The following MPDZ variants were observed in gnomAD, a reference collection of about 807,000 sequenced individuals.
MPDZ encodes the protein multiple PDZ domain crumbs cell polarity complex component, also known as multiple PDZ domain protein.
Under a neutral mutation model 239.1 loss-of-function variants are expected in MPDZ, and 234 were observed. That is an observed-to-expected ratio of 0.98 (90% confidence interval 0.88 to 1.09). The LOEUF is 1.09. Ranked by LOEUF, MPDZ falls within the 50% of genes least tolerant of loss-of-function variation. The pLI is 0.00. For missense variants in MPDZ, 3,175 were observed against 2,510.0 expected, an observed-to-expected ratio of 1.26 and a Z score of -5.66; for synonymous variants, 1,048 against 881.3, an observed-to-expected ratio of 1.19 and a Z score of -3.35.
chr9:13,249,417 G>A (rs1178809095), intron 2 of MPDZ, among the ~76,000 whole-genome samples: 3 of 152,050 alleles, frequency 2.0e-5, no homozygotes, highest in Non-Finnish European at 4.4e-5. Flanking sequence ...TGTGGGTTTA[G>A]TATAAAATGG....
chr9:13,200,940 T>C (rs750317333), intron 12 of MPDZ, among the ~76,000 whole-genome samples: 3 of 152,102 alleles, frequency 2.0e-5, no homozygotes, highest in Non-Finnish European at 4.4e-5. Context: ...TGGTCTACAA[T>C]GAAGTCTCAC....
Position 13,175,744 on chromosome 9 carries a change from A to G in MPDZ, c.3055+8T>C. The G allele has an allele frequency of 1.3e-6, 2 of 1,566,772 alleles. No individual in the cohort carries two copies. The highest frequency in any genetic ancestry group is 1.7e-6 in the Non-Finnish European group (2 of 1,153,612). ...GGAGTAGGTATATGAGGAAAATGAGAAACTTACCTAGGCTAGAATTGCCTT... is the reference window on the plus strand; with the variant it reads ...GGAGTAGGTATATGAGGAAAATGAGGAACTTACCTAGGCTAGAATTGCCTT... On this transcript the variant is annotated splice_region_variant and intron_variant, in intron 21 of 46. Coordinates refer to ENST00000319217, the MANE Select transcript of MPDZ (RefSeq NM_001378778.1).
intron 45 of MPDZ, 113 bp from the exon 46 acceptor site, chr9:13,109,172 AC>A: frequency 2.2e-6 from 2 of 893,036 alleles, no homozygotes; most frequent in Admixed American, 8.5e-5. Flanking sequence ...TTTGTTACTG[AC>A]AAGGAGTATA....
chr9:13,128,350 G>C (rs1162540047), intron 32 of MPDZ, among the ~76,000 whole-genome samples: 1 of 152,188 alleles, frequency 6.6e-6, no homozygotes, highest in Non-Finnish European at 1.5e-5. Context: ...AGCTGCCATT[G>C]TCCTAAGAAA....
At chr9:13,206,221 T>A in intron 10 of MPDZ, 122 bp from the exon 11 acceptor site, 2 of 896,276 alleles carry the variant, frequency 2.2e-6, no homozygotes, top group Non-Finnish European at 3.2e-6. Context: ...AGTATTCACC[T>A]TATCAGGGAA....
intron 39 of MPDZ, among the ~76,000 whole-genome samples, chr9:13,118,657 A>G (rs1269784623): frequency 1.3e-5 from 2 of 152,228 alleles, no homozygotes; most frequent in Non-Finnish European, 2.9e-5. Context: ...AGCATTGCCT[A>G]TTTACAGGAA....
chr9:13,184,419 T>G (rs1402470838), intron 18 of MPDZ, among the ~76,000 whole-genome samples: 1 of 151,966 alleles, frequency 6.6e-6, no homozygotes. Flanking sequence ...GTTCTAATTT[T>G]TTTTTTGTAA....
chr9:13,165,475 C>A (rs1187907128), intron 22 of MPDZ: 4 of 1,536,316 alleles, frequency 2.6e-6, no homozygotes, highest in Non-Finnish European at 3.5e-6. Context: ...ATGTCTTGTG[C>A]TGAATGTGAG....
chr9:13,128,974 G>C (rs1249521055), intron 32 of MPDZ, among the ~76,000 whole-genome samples: 1 of 152,168 alleles, frequency 6.6e-6, no homozygotes, highest in Non-Finnish European at 1.5e-5. Context: ...CTTGAAGGTT[G>C]CTGACCTGAG....
intron 12 of MPDZ, among the ~76,000 whole-genome samples, chr9:13,200,720 T>C (rs1035393776): frequency 3.3e-5 from 5 of 152,050 alleles, no homozygotes; most frequent in African/African-American, 1.2e-4. Flanking sequence ...TGTAGAGTTT[T>C]CAATGTTTCC....
intron 3 of MPDZ, among the ~76,000 whole-genome samples, chr9:13,240,890 T>C (rs893230925): frequency 4.6e-5 from 7 of 152,148 alleles, no homozygotes; most frequent in Admixed American, 4.6e-4. Context: ...AACCAGTAAA[T>C]TTCACATTTT....
chr9:13,217,177 T>C lies in MPDZ; in HGVS notation c.1201+3A>G. ...TAAAAGAATACTTAATGTTTAAAAT[T>C]ACCCAATTTTTTATCTCCAATGTAG... On this transcript the variant is annotated splice_donor_region_variant and intron_variant, in intron 9 of 46. Coordinates refer to ENST00000319217, the MANE Select transcript of MPDZ (RefSeq NM_001378778.1). The C allele has an allele frequency of 6.5e-7, 1 of 1,549,340 alleles. No homozygotes were observed. The highest frequency in any genetic ancestry group is 2.3e-5 in the East Asian group (1 of 43,968).
intron 3 of MPDZ, among the ~76,000 whole-genome samples, chr9:13,246,303 G>A (rs550391439): frequency 9.2e-5 from 14 of 152,198 alleles, no homozygotes; most frequent in East Asian, 1.9e-4. Context: ...TTAGCTGGGC[G>A]TGGTGGCAGG....
At chr9:13,212,875 C>T (rs778619288) in intron 10 of MPDZ, among the ~76,000 whole-genome samples, 1 of 149,710 alleles carries the variant, frequency 6.7e-6, no homozygotes, top group Non-Finnish European at 1.5e-5. Flanking sequence ...GGAACAATTA[C>T]AGGGGAGAAA....
At chr9:13,166,285 T>C (rs1311153732) in intron 22 of MPDZ, among the ~76,000 whole-genome samples, 1 of 152,180 alleles carries the variant, frequency 6.6e-6, no homozygotes, top group Non-Finnish European at 1.5e-5. Context: ...CTAAACCTTT[T>C]GCTTCACGAA....
chr9:13,176,237 A>G lies in MPDZ; in HGVS notation c.2830T>C (p.Tyr944His). The change falls in exon 20 of 47, where the codon TAT becomes CAT. Residue 944 changes from tyrosine to histidine, a missense_variant. Transcript: ENST00000319217. ...CACACTATTGTGTTTTCACATTCAT[A>G]TTGTTGTTCAATAGCATTTGCAGGT... ...YTPANAIEQQYECENTIVWTE... is the reference protein window; with the variant it reads ...YTPANAIEQQHECENTIVWTE... 1 of 1,606,290 alleles carries G rather than the reference A, an allele frequency of 6.2e-7. No homozygotes were observed. The highest frequency in any genetic ancestry group is 8.5e-7 in the Non-Finnish European group (1 of 1,175,768).
intron 8 of MPDZ, among the ~76,000 whole-genome samples, chr9:13,218,994 T>C (rs574435211): frequency 2.1e-4 from 32 of 152,074 alleles, no homozygotes; most frequent in African/African-American, 7.5e-4. Flanking sequence ...TTTAAAAAAT[T>C]ATATAACTGG....
chr9:13,261,065 G>A (rs1445749832), intron 1 of MPDZ, among the ~76,000 whole-genome samples: 3 of 152,192 alleles, frequency 2.0e-5, no homozygotes, highest in South Asian at 4.1e-4. Context: ...GGACTACAGT[G>A]TCTCTTAAGA....
intron 10 of MPDZ, among the ~76,000 whole-genome samples, chr9:13,213,156 TTTGAAAAAACAAC>T (rs1175589262): frequency 1.3e-5 from 2 of 152,050 alleles, no homozygotes; most frequent in African/African-American, 2.4e-5. Context: ...TGTTCAACTT[TTTGAAAAAACAAC>T]AGACTCCTTT....
Sources: gnomAD v4.1 joint callset for allele counts (sites outside exome capture counted in the v4.1 genomes callset) on GRCh38, gnomAD v4.1.1 for gene constraint, MANE v1.5 for transcripts, NCBI Gene and HGNC (gene_info 2026-07-23, HGNC 2026-07-21) for gene names.